Variants in TNFAIP6 observed in about 807,000 individuals in gnomAD.
TNFAIP6 encodes tumor necrosis factor-inducible gene 6 protein.
In TNFAIP6, 36 loss-of-function variants were observed where a neutral mutation model predicts 33.7. The observed-to-expected ratio is 1.07, with a 90% CI of 0.82 to 1.41. TNFAIP6 has a LOEUF of 1.41. Ranked by LOEUF, TNFAIP6 falls within the 40% of genes most tolerant of loss-of-function variation. The pLI, the probability that TNFAIP6 is intolerant of heterozygous loss-of-function variation, is 0.00. For missense variants in TNFAIP6, 273 were observed against 331.9 expected, an observed-to-expected ratio of 0.82 and a Z score of 1.38; for synonymous variants, 113 against 112.8, an observed-to-expected ratio of 1.00 and a Z score of -0.01.
intron 5 of TNFAIP6, among the ~76,000 whole-genome samples, chr2:151,376,550 G>T (rs1448489730): frequency 6.6e-6 from 1 of 152,034 alleles, no homozygotes; most frequent in Non-Finnish European, 1.5e-5. Context: ...TGATAACTCT[G>T]TAGTGACCAT....
intron 1 of TNFAIP6, among the ~76,000 whole-genome samples, chr2:151,361,274 C>G (rs1684620408): frequency 6.6e-6 from 1 of 152,090 alleles, no homozygotes; most frequent in Admixed American, 6.6e-5. Context: ...TGGGGTTTCA[C>G]CATGTTGGCC....
intron 1 of TNFAIP6, among the ~76,000 whole-genome samples, chr2:151,359,677 C>T (rs565927919): frequency 1.3e-5 from 2 of 152,208 alleles, no homozygotes; most frequent in South Asian, 2.1e-4. Context: ...CGTGAGCCAC[C>T]GCACCTGGCC....
At chr2:151,369,768 T>C (rs1018784106) in intron 3 of TNFAIP6, among the ~76,000 whole-genome samples, 1 of 152,156 alleles carries the variant, frequency 6.6e-6, no homozygotes, top group Non-Finnish European at 1.5e-5. Flanking sequence ...GAGCGAGATC[T>C]TGTCTCAAAA....
chr2:151,363,905 G>A lies in TNFAIP6; in HGVS notation c.95-38G>A, dbSNP rs567515604. ...AGAATTTCCCCTGTTCCGTAAGAAGGAACAACAGTGCTTTTATGACATCAT... is the reference window on the plus strand; with the variant it reads ...AGAATTTCCCCTGTTCCGTAAGAAGAAACAACAGTGCTTTTATGACATCAT... On this transcript the variant is annotated intron_variant, in intron 1 of 5. Coordinates refer to ENST00000243347, the MANE Select transcript of TNFAIP6 (RefSeq NM_007115.4). The A allele has an allele frequency of 2.5e-6, 4 of 1,605,802 alleles. No individual in the cohort carries two copies. In the South Asian group the frequency reaches 3.3e-5, roughly 13 times the overall value.
At chr2:151,379,297 CTT>C in intron 5 of TNFAIP6, 65 bp from the exon 6 acceptor site, 1 of 1,411,626 alleles carries the variant, frequency 7.1e-7, no homozygotes, top group Non-Finnish European at 9.5e-7. Flanking sequence ...AATGAAGAGT[CTT>C]TGAATTGTCA....
chr2:151,381,235 G>T (rs1175128460), downstream of TNFAIP6, among the ~76,000 whole-genome samples: 1 of 152,082 alleles, frequency 6.6e-6, no homozygotes, highest in Non-Finnish European at 1.5e-5. Context: ...ACTTTGGAAG[G>T]CCGAGGCAGA....
chr2:151,380,339 A>T (rs1455860007), downstream of TNFAIP6, among the ~76,000 whole-genome samples: 1 of 152,008 alleles, frequency 6.6e-6, no homozygotes, highest in Non-Finnish European at 1.5e-5. Flanking sequence ...TATATGCTGT[A>T]ATTTAATTTT....
chr2:151,375,214 T>C (rs1043672095), intron 5 of TNFAIP6, among the ~76,000 whole-genome samples: 3 of 148,770 alleles, frequency 2.0e-5, no homozygotes, highest in African/African-American at 7.4e-5. Flanking sequence ...ATCAAATCAG[T>C]GGTGGGGTTT....
intron 5 of TNFAIP6, among the ~76,000 whole-genome samples, chr2:151,375,239 C>G (rs181847330): frequency 6.3e-5 from 9 of 141,986 alleles, no homozygotes; most frequent in African/African-American, 2.2e-4. Flanking sequence ...GGCACAACTT[C>G]AAGAAACTGG....
rs193195669 is a variant in TNFAIP6, at chr2:151,367,863, A to T, written c.394+1646A>T. Among the ~76,000 whole-genome samples, 940 of 152,258 alleles carry T rather than the reference A, an allele frequency of 6.2e-3. 11 individuals are homozygous for T. Among genetic ancestry groups the T allele is most frequent in the African/African-American group, 0.022 (899 of 41,550 alleles). On this transcript the variant is annotated intron_variant, in intron 3 of 5. Transcript: ENST00000243347. Reference sequence around the variant, plus strand: ...ACTGAAACATCACTGGAATAAAAAAAAAAAATAATGGCTTCACAAAAATAA... The same window carrying T: ...ACTGAAACATCACTGGAATAAAAAATAAAAATAATGGCTTCACAAAAATAA...
Position 151,370,106 on chromosome 2 carries a change from T to C in TNFAIP6, c.481T>C (p.Cys161Arg). 6.2e-7 allele frequency: 1 copy of C among 1,614,156 alleles called. No homozygotes were observed. Among genetic ancestry groups the C allele is most frequent in the South Asian group, 1.1e-5 (1 of 91,088 alleles). The change falls in exon 4 of 6, where the codon TGC (cysteine) becomes CGC (arginine). Residue 161 changes from cysteine (C) to arginine (R), a missense_variant. By Grantham distance (180) the Cys-to-Arg change is radical (BLOSUM62 -3). Coordinates refer to ENST00000243347, the MANE Select transcript of TNFAIP6 (RefSeq NM_007115.4). ...FPNEYEDNQICYWHIRLKYGQ... is the reference protein window; with the variant it reads ...FPNEYEDNQIRYWHIRLKYGQ... ...AAATGAGTACGAAGATAACCAAATC[T>C]GCTACTGGCACATTAGACTCAAGTA...
chr2:151,376,017 G>A (rs111489654), intron 5 of TNFAIP6, among the ~76,000 whole-genome samples: 59 of 152,186 alleles, frequency 3.9e-4, no homozygotes, highest in African/African-American at 1.3e-3. Context: ...AGGCCAAGGC[G>A]GGTGGATCAC....
rs1338335585 is a variant in TNFAIP6 at position 151,366,147 on chromosome 2, T to C, written c.324T>C (p.Thr108=). 2 of 1,614,180 alleles carry C rather than the reference T, an allele frequency of 1.2e-6. No individual in the cohort carries two copies. Among genetic ancestry groups the C allele is most frequent in the African/African-American group, 1.3e-5 (1 of 75,042 alleles). ...KPGPNCGFGK[T]GIIDYGIRLN... ...GGCCCAACTGTGGATTTGGAAAAACTGGCATTATTGATTATGGAATCCGTC... is the reference window on the plus strand; with the variant it reads ...GGCCCAACTGTGGATTTGGAAAAACCGGCATTATTGATTATGGAATCCGTC... The change falls in exon 3 of 6, where the codon ACT becomes ACC. Residue 108 remains threonine, a synonymous_variant. Transcript: ENST00000243347.
intron 5 of TNFAIP6, among the ~76,000 whole-genome samples, chr2:151,379,056 C>T (rs1335737855): frequency 3.3e-5 from 5 of 152,024 alleles, no homozygotes; most frequent in Admixed American, 1.3e-4. Context: ...GCCGAGATCG[C>T]GCCACAGCAC....
intron 4 of TNFAIP6, among the ~76,000 whole-genome samples, chr2:151,373,110 G>A (rs1684843862): frequency 6.6e-6 from 1 of 151,932 alleles, no homozygotes; most frequent in Non-Finnish European, 1.5e-5. Flanking sequence ...CTGAAGCCAG[G>A]AGTTCAAGAC....
rs1684984831 is a variant in TNFAIP6, at chr2:151,379,905, A to T, written c.*372A>T. ...TTATAAACATTTTCTGAAATCATTG[A>T]TTATTCTACAAAAACATGATTTTAA... On this transcript the variant is annotated 3_prime_UTR_variant, in exon 6 of 6. Coordinates refer to ENST00000243347, the MANE Select transcript of TNFAIP6 (RefSeq NM_007115.4). 1 of 153,042 alleles carries T rather than the reference A, an allele frequency of 6.5e-6. No homozygotes were observed. Among genetic ancestry groups the T allele is most frequent in the African/African-American group, 2.4e-5 (1 of 41,506 alleles). 9.5% of individuals were successfully genotyped at this position (153,042 alleles called of 1,614,324 possible). A position where few individuals can be genotyped will look rare whatever the true frequency, so the allele number is the denominator to read the frequency against.
intron 1 of TNFAIP6, among the ~76,000 whole-genome samples, chr2:151,361,288 C>T (rs893169529): frequency 6.6e-6 from 1 of 152,054 alleles, no homozygotes; most frequent in Non-Finnish European, 1.5e-5. Flanking sequence ...GTTGGCCAGG[C>T]TGGTCTGGAA....
chr2:151,370,633 G>A (rs1684800996), intron 4 of TNFAIP6, among the ~76,000 whole-genome samples: 1 of 152,126 alleles, frequency 6.6e-6, no homozygotes, highest in South Asian at 2.1e-4. Flanking sequence ...AGTGAGAGCT[G>A]CCTTTGGATT....
At chr2:151,379,104 A>T (rs999238498) in intron 5 of TNFAIP6, among the ~76,000 whole-genome samples, 2 of 152,132 alleles carry the variant, frequency 1.3e-5, no homozygotes, top group East Asian at 3.9e-4. Flanking sequence ...ACTCCATCTC[A>T]AAAATAAATA....
Sources: gnomAD v4.1 joint callset for allele counts (sites outside exome capture counted in the v4.1 genomes callset) on GRCh38, gnomAD v4.1.1 for gene constraint, MANE v1.5 for transcripts, NCBI Gene and HGNC (gene_info 2026-07-23, HGNC 2026-07-21) for gene names.